Variants in TAF4B observed in about 807,000 individuals in gnomAD.
TAF4B encodes the protein transcription initiation factor TFIID subunit 4B.
Under a neutral mutation model 86.4 loss-of-function variants are expected in TAF4B, and 38 were observed. The ratio of observed to expected loss-of-function variants is 0.44; its 90% CI spans 0.34 to 0.58. The LOEUF is 0.58. Among genes scored for constraint, TAF4B ranks in the 20% least tolerant of loss-of-function variants. TAF4B has a pLI of 0.02. For missense variants in TAF4B, 988 were observed against 1,027.6 expected (o/e 0.96, Z 0.53); for synonymous variants, 388 against 391.2 (o/e 0.99, Z 0.10).
intron 12 of TAF4B, among the ~76,000 whole-genome samples, chr18:26,331,023 C>T (rs990079622): frequency 6.6e-6 from 1 of 152,112 alleles, no homozygotes; most frequent in African/African-American, 2.4e-5. Context: ...CCTATACCTT[C>T]ACATGCCCCA....
At chr18:26,241,064 G>T (rs2055831176) in intron 1 of TAF4B, among the ~76,000 whole-genome samples, 1 of 152,122 alleles carries the variant, frequency 6.6e-6, no homozygotes, top group Admixed American at 6.6e-5. Flanking sequence ...TTGTGTCTCT[G>T]CCAGGCTTTG....
intron 9 of TAF4B, among the ~76,000 whole-genome samples, chr18:26,314,487 G>GTA (rs576131822): frequency 1.1e-3 from 161 of 152,266 alleles, no homozygotes; most frequent in Non-Finnish European, 1.9e-3. Context: ...ATGTGTGTGT[G>GTA]TATATGTACA....
intron 12 of TAF4B, among the ~76,000 whole-genome samples, chr18:26,330,283 G>A (rs1246564507): frequency 1.3e-5 from 2 of 152,242 alleles, no homozygotes; most frequent in East Asian, 3.9e-4. Flanking sequence ...TCAATAGGTT[G>A]TAATTCATTA....
chr18:26,343,557 GT>G (rs1471681674), intron 13 of TAF4B, among the ~76,000 whole-genome samples: 3 of 152,174 alleles, frequency 2.0e-5, no homozygotes, highest in Non-Finnish European at 4.4e-5. Context: ...TTGAACCTGT[GT>G]TGATTGCATG....
chr18:26,282,763 T>C (rs997631269), intron 6 of TAF4B, among the ~76,000 whole-genome samples: 1 of 152,228 alleles, frequency 6.6e-6, no homozygotes, highest in Non-Finnish European at 1.5e-5. Context: ...GCAGAACTTC[T>C]TTCAAAATTG....
chr18:26,234,063 C>T (rs548581859), intron 1 of TAF4B, among the ~76,000 whole-genome samples: 1 of 152,270 alleles, frequency 6.6e-6, no homozygotes, highest in East Asian at 1.9e-4. Flanking sequence ...GGTATGAGTA[C>T]CTTTCCCTCT....
intron 14 of TAF4B, among the ~76,000 whole-genome samples, chr18:26,372,402 G>A (rs2057411672): frequency 6.6e-6 from 1 of 152,152 alleles, no homozygotes; most frequent in Non-Finnish European, 1.5e-5. Flanking sequence ...ATGTGCTTTT[G>A]TTGCTGGAGC....
intron 3 of TAF4B, 57 bp from the exon 4 acceptor site, chr18:26,274,606 C>T: frequency 6.3e-7 from 1 of 1,583,200 alleles, no homozygotes. Context: ...TGAAATGAGG[C>T]ACCCACTAAT....
chr18:26,346,759 G>GTATATATATATATATATA (rs1189521252), intron 13 of TAF4B, among the ~76,000 whole-genome samples: 2 of 27,112 alleles, frequency 7.4e-5, no homozygotes, highest in African/African-American at 9.3e-5. Flanking sequence ...ATATATGTGT[G>GTATATATATATATATATA]TATATATATA....
chr18:26,289,944 A>G (rs534278215), intron 7 of TAF4B, among the ~76,000 whole-genome samples: 5 of 152,346 alleles, frequency 3.3e-5, no homozygotes, highest in African/African-American at 1.2e-4. Flanking sequence ...ACAAAACTGT[A>G]TTATAAAATA....
intron 9 of TAF4B, among the ~76,000 whole-genome samples, chr18:26,304,298 A>G (rs1368923887): frequency 6.6e-6 from 1 of 152,044 alleles, no homozygotes; most frequent in East Asian, 1.9e-4. Flanking sequence ...AAACAGTAAT[A>G]CATTTGGAAT....
At chr18:26,369,416 A>G (rs2057392373) in intron 14 of TAF4B, among the ~76,000 whole-genome samples, 1 of 152,246 alleles carries the variant, frequency 6.6e-6, no homozygotes, top group African/African-American at 2.4e-5. Context: ...CCTGTTTTTA[A>G]GACAAAGATG....
At chr18:26,314,168 A>C (rs1040543365) in intron 9 of TAF4B, among the ~76,000 whole-genome samples, 1 of 152,180 alleles carries the variant, frequency 6.6e-6, no homozygotes, top group African/African-American at 2.4e-5. Context: ...ACAAAAGACC[A>C]TATTATATAC....
At chr18:26,286,926 CA>C (rs1267523537) in intron 7 of TAF4B, among the ~76,000 whole-genome samples, 1 of 152,126 alleles carries the variant, frequency 6.6e-6, no homozygotes, top group Non-Finnish European at 1.5e-5. Flanking sequence ...TTAAATGATC[CA>C]CCCGCCTTGG....
chr18:26,371,214 A>G (rs2057403965), intron 14 of TAF4B, among the ~76,000 whole-genome samples: 1 of 152,232 alleles, frequency 6.6e-6, no homozygotes, highest in South Asian at 2.1e-4. Flanking sequence ...ATCGACACAT[A>G]TTTATAAAAA....
At chr18:26,313,814 T>C (rs1282351191) in intron 9 of TAF4B, among the ~76,000 whole-genome samples, 1 of 152,030 alleles carries the variant, frequency 6.6e-6, no homozygotes, top group Non-Finnish European at 1.5e-5. Flanking sequence ...CACAGGCATA[T>C]ACAGCCATGC....
intron 3 of TAF4B, among the ~76,000 whole-genome samples, chr18:26,272,408 G>GC (rs2056331854): frequency 6.6e-6 from 1 of 152,034 alleles, no homozygotes; most frequent in East Asian, 1.9e-4. Flanking sequence ...CCGCGGCACA[G>GC]GGGTTGGGGA....
intron 1 of TAF4B, among the ~76,000 whole-genome samples, chr18:26,250,949 A>T (rs910927405): frequency 6.6e-6 from 1 of 152,132 alleles, no homozygotes; most frequent in Non-Finnish European, 1.5e-5. Context: ...TGATTGCTTT[A>T]ATTTTTTCTT....
At chr18:26,284,187 C>T (rs2056483480) in intron 6 of TAF4B, among the ~76,000 whole-genome samples, 1 of 152,192 alleles carries the variant, frequency 6.6e-6, no homozygotes, top group African/African-American at 2.4e-5. Context: ...ATGAGCCAGC[C>T]TCTCCTAACT....
Sources: allele counts gnomAD v4.1 joint callset (sites outside exome capture counted in the v4.1 genomes callset), GRCh38; gene constraint gnomAD v4.1.1; transcripts MANE v1.5; gene names NCBI Gene and HGNC (gene_info 2026-07-23, HGNC 2026-07-21).